CNGB1: variants seen among roughly 807,000 people sequenced by gnomAD.
CNGB1 encodes cyclic nucleotide-gated channel beta-1.
A neutral mutation model predicts 151.7 loss-of-function variants in CNGB1; 126 were observed. That is an observed-to-expected ratio of 0.83 (90% CI 0.72 to 0.96). The LOEUF is 0.96. Among genes scored for constraint, CNGB1 ranks in the 40% least tolerant of loss-of-function variants. The pLI is 0.00. For synonymous variants in CNGB1, 623 were observed against 635.1 expected (o/e 0.98, Z 0.29); for missense variants, 1,698 against 1,627.0 (o/e 1.04, Z -0.75).
intron 12 of CNGB1, chr16:57,954,657 T>C (rs770385941): frequency 1.1e-5 from 11 of 977,844 alleles, no homozygotes; most frequent in Non-Finnish European, 1.3e-5. Context: ...TAAGCAATAA[T>C]ATCAATGCAA....
chr16:57,924,838 ACT>A (rs1353917423), intron 17 of CNGB1, among the ~76,000 whole-genome samples: 2 of 151,268 alleles, frequency 1.3e-5, no homozygotes, highest in Non-Finnish European at 3.0e-5. Context: ...GCACCTCCCC[ACT>A]CTCTCTCAGT....
intron 2 of CNGB1, among the ~76,000 whole-genome samples, chr16:57,965,352 CAT>C (rs1447013761): frequency 6.6e-6 from 1 of 152,192 alleles, no homozygotes; most frequent in Non-Finnish European, 1.5e-5. Flanking sequence ...TGCATACAGT[CAT>C]ATGCAAACGT....
rs1281520673 is a variant in CNGB1, at chr16:57,882,374, A to G, written c.*1790T>C. On this transcript the variant is annotated 3_prime_UTR_variant, in exon 33 of 33. Coordinates refer to ENST00000251102, the MANE Select transcript of CNGB1 (RefSeq NM_001297.5). The stretch of plus-strand genomic sequence containing the variant: ...GGGTAAAATAATAAGGTCAATCATC[A>G]CTATATTCAATGTGATGATTACCCG... The G allele has an allele frequency of 6.6e-6, 1 of 151,810 alleles. No homozygotes were observed. Among genetic ancestry groups the G allele is most frequent in the Non-Finnish European group, 1.5e-5 (1 of 67,990 alleles). 9.4% of individuals were successfully genotyped at this position (151,810 alleles called of 1,614,324 possible). A position where few individuals can be genotyped will look rare whatever the true frequency, so the allele number is the denominator to read the frequency against.
chr16:57,940,762 GA>G, intron 14 of CNGB1, among the ~76,000 whole-genome samples: 1 of 152,268 alleles, frequency 6.6e-6, no homozygotes, highest in African/African-American at 2.4e-5. Context: ...GTGAGGCCCA[GA>G]GAGGTGAAGT....
chr16:57,939,646 T>C, intron 15 of CNGB1, 54 bp from the exon 16 acceptor site: 12 of 1,609,794 alleles, frequency 7.5e-6, no homozygotes, highest in South Asian at 2.2e-5. Flanking sequence ...CCAGCCCTAG[T>C]CTCAGCAGCT....
At chr16:57,950,234 C>T in intron 13 of CNGB1, 147 bp downstream of exon 13, 1 of 938,246 alleles carries the variant, frequency 1.1e-6, no homozygotes, top group Non-Finnish European at 1.7e-6. Context: ...AGCCATTCTA[C>T]CCATGGGAGA....
chr16:57,949,558 A>C, intron 13 of CNGB1, 119 bp from the exon 14 acceptor site: 1 of 1,546,244 alleles, frequency 6.5e-7, no homozygotes, highest in South Asian at 1.1e-5. Flanking sequence ...TGGACTTTCC[A>C]ACCAAGGCTC....
intron 16 of CNGB1, among the ~76,000 whole-genome samples, chr16:57,935,859 C>T (rs113352260): frequency 9.4e-4 from 143 of 151,844 alleles, no homozygotes; most frequent in Non-Finnish European, 1.5e-3. Flanking sequence ...CGGGGTGGCA[C>T]CCCTTACTGT....
At chr16:57,900,683 G>T (rs1248742358) in intron 29 of CNGB1, among the ~76,000 whole-genome samples, 5 of 152,154 alleles carry the variant, frequency 3.3e-5, no homozygotes, top group African/African-American at 1.2e-4. Context: ...GCATCAGGAA[G>T]GGACACGATG....
chr16:57,927,189 G>A (rs771913286), intron 17 of CNGB1, among the ~76,000 whole-genome samples: 51 of 152,222 alleles, frequency 3.4e-4, no homozygotes, highest in South Asian at 8.3e-4. Flanking sequence ...CGTCTTACAC[G>A]GGGAAAATGG....
rs752145172 is a variant in CNGB1 at position 57,940,229 on chromosome 16, C to G, written c.1209+5G>C. 1 of 1,562,110 alleles carries G rather than the reference C, an allele frequency of 6.4e-7. No homozygotes were observed. The highest frequency in any genetic ancestry group is 1.9e-5 in the Admixed American group (1 of 51,686). On this transcript the variant is annotated splice_donor_5th_base_variant and intron_variant, in intron 15 of 32. Transcript: ENST00000251102. Reference sequence around the variant, plus strand: ...AGAGGTGCCAGTGCCTGGTGCTTCTCATACCTGATCTGAAGTGCTCTGGGG... The same window carrying G: ...AGAGGTGCCAGTGCCTGGTGCTTCTGATACCTGATCTGAAGTGCTCTGGGG...
At chr16:57,914,560 G>A (rs1960811058) in intron 23 of CNGB1, among the ~76,000 whole-genome samples, 1 of 152,236 alleles carries the variant, frequency 6.6e-6, no homozygotes, top group African/African-American at 2.4e-5. Context: ...TCAGGAGACA[G>A]ATGAATGTGA....
At chr16:57,952,272 TG>T (rs1426199278) in intron 12 of CNGB1, among the ~76,000 whole-genome samples, 1 of 152,084 alleles carries the variant, frequency 6.6e-6, no homozygotes, top group African/African-American at 2.4e-5. Flanking sequence ...CACAGGAAGG[TG>T]GAGGCAGAGC....
At chr16:57,935,613 A>C (rs1222584838) in intron 16 of CNGB1, among the ~76,000 whole-genome samples, 4 of 151,454 alleles carry the variant, frequency 2.6e-5, no homozygotes, top group Non-Finnish European at 5.9e-5. Flanking sequence ...GTGCCACAAC[A>C]CTCCAGCCCG....
intron 14 of CNGB1, among the ~76,000 whole-genome samples, chr16:57,948,747 C>G (rs1222421497): frequency 6.6e-6 from 1 of 152,200 alleles, no homozygotes; most frequent in African/African-American, 2.4e-5. Context: ...TGCATATCCC[C>G]CTGTCCAGTC....
intron 3 of CNGB1, 21 bp from the exon 4 acceptor site, chr16:57,964,223 C>T: frequency 1.2e-6 from 2 of 1,612,834 alleles, no homozygotes; most frequent in East Asian, 4.5e-5. Context: ...ATCTCTCATC[C>T]TTCAGATCTA....
In CNGB1 at chr16:57,939,925, A is replaced by G. The variant is rs567873651; in HGVS notation, c.1209+309T>C. On this transcript the variant is annotated intron_variant, in intron 15 of 32. Coordinates refer to ENST00000251102, the MANE Select transcript of CNGB1 (RefSeq NM_001297.5). The stretch of plus-strand genomic sequence containing the variant: ...CCCTTTTGGGTCCTCCTACAGGCCC[A>G]AGGGAGGCGTCTGTAGCCCCCTCGT... Among the ~76,000 whole-genome samples, 3 of 152,300 alleles carry G rather than the reference A, an allele frequency of 2.0e-5. No homozygotes were observed. The East Asian group carries it at 5.8e-4, about 29-fold the overall frequency.
chr16:57,941,473 C>T (rs558586695), intron 14 of CNGB1, among the ~76,000 whole-genome samples: 39 of 152,310 alleles, frequency 2.6e-4, no homozygotes, highest in Non-Finnish European at 1.6e-4. Flanking sequence ...AGAAATCAGT[C>T]GGTAATCACA....
At chr16:57,884,541 T>C (rs1454378302) in intron 32 of CNGB1, 84 bp from the exon 33 acceptor site, 20 of 1,491,588 alleles carry the variant, frequency 1.3e-5, no homozygotes, top group Non-Finnish European at 1.8e-5. Flanking sequence ...TGTTCCAGCC[T>C]TTTTGGACCC....
Sources: allele counts gnomAD v4.1 joint callset (sites outside exome capture counted in the v4.1 genomes callset), GRCh38; gene constraint gnomAD v4.1.1; transcripts MANE v1.5; gene names NCBI Gene and HGNC (gene_info 2026-07-23, HGNC 2026-07-21).